UBASH3A: variants seen among roughly 807,000 people sequenced by gnomAD.
UBASH3A encodes the protein ubiquitin associated and SH3 domain containing A.
Under a neutral mutation model 73.5 loss-of-function variants are expected in UBASH3A, and 63 were observed. The ratio of observed to expected loss-of-function variants is 0.86; its 90% CI spans 0.70 to 1.06. UBASH3A has a LOEUF of 1.06. UBASH3A is among the 50% of genes least tolerant of loss of function. The pLI is 0.00. For missense variants in UBASH3A, 860 were observed against 859.0 expected (o/e 1.00, Z -0.02); for synonymous variants, 363 against 351.1 (o/e 1.03, Z -0.38).
intron 8 of UBASH3A, among the ~76,000 whole-genome samples, chr21:42,428,495 A>C (rs1355822658): frequency 6.6e-6 from 1 of 152,096 alleles, no homozygotes; most frequent in Non-Finnish European, 1.5e-5. Context: ...AAAGCTTTAA[A>C]TGTTTTTAAT....
At chr21:42,421,084 A>G (rs931292094) in intron 7 of UBASH3A, among the ~76,000 whole-genome samples, 2 of 152,244 alleles carry the variant, frequency 1.3e-5, no homozygotes, top group Non-Finnish European at 1.5e-5. Flanking sequence ...AAGCCATTGC[A>G]AAGTGTTAAG....
intron 11 of UBASH3A, among the ~76,000 whole-genome samples, chr21:42,441,468 G>T (rs1601603861): frequency 7.1e-6 from 1 of 140,528 alleles, no homozygotes; most frequent in Non-Finnish European, 1.6e-5. Context: ...GAGGACTCGG[G>T]GACCTGGTTG....
chr21:42,417,969 G>A (rs377236018), intron 6 of UBASH3A, among the ~76,000 whole-genome samples: 3 of 130,700 alleles, frequency 2.3e-5, no homozygotes, highest in East Asian at 2.3e-4. Context: ...TTCAACCTTC[G>A]CCTCCCAGGT....
intron 6 of UBASH3A, among the ~76,000 whole-genome samples, chr21:42,417,878 C>CTTTTT (rs796939696): frequency 3.0e-4 from 27 of 90,612 alleles, no homozygotes; most frequent in Non-Finnish European, 4.4e-4. Context: ...TTCTTTTTTT[C>CTTTTT]TTTTTTTTTT....
At chr21:42,446,289 AG>A (rs769920684) in intron 14 of UBASH3A, among the ~76,000 whole-genome samples, 12 of 152,212 alleles carry the variant, frequency 7.9e-5, no homozygotes, top group Admixed American at 3.3e-4. Context: ...GAAAATACAA[AG>A]GGGGGGCTCT....
intron 8 of UBASH3A, among the ~76,000 whole-genome samples, chr21:42,430,567 G>A (rs1477109184): frequency 1.3e-5 from 2 of 152,164 alleles, no homozygotes; most frequent in South Asian, 2.1e-4. Context: ...CTGCCCAGGG[G>A]TCCTCCCTAC....
chr21:42,404,461 T>C (rs1005528806), intron 1 of UBASH3A, among the ~76,000 whole-genome samples: 5 of 152,196 alleles, frequency 3.3e-5, no homozygotes, highest in African/African-American at 1.2e-4. Flanking sequence ...AGAATACCCC[T>C]GATATTCTTG....
intron 6 of UBASH3A, among the ~76,000 whole-genome samples, chr21:42,417,859 C>CTTTTTTTTTTCTTTTTTTCTTTT (rs2053246661): frequency 8.0e-6 from 1 of 125,642 alleles, no homozygotes; most frequent in African/African-American, 2.9e-5. Flanking sequence ...AAATGTATCT[C>CTTTTTTTTTTCTTTTTTTCTTTT]TTTTTTTTTT....
rs149430699 is a variant in UBASH3A at position 42,413,197 on chromosome 21, C to T, written c.528C>T (p.Phe176=). Residue 176 remains phenylalanine (F), a synonymous_variant, in exon 4 of 15, where the codon TTC becomes TTT. Coordinates refer to ENST00000319294, the MANE Select transcript of UBASH3A (RefSeq NM_018961.4). The surrounding 1 kb of genome is among the most constrained non-coding windows in gnomAD (Gnocchi z 4.5). ...ADVIREFAMT[F]ATEASLLAGT... ...TCATCCGGGAATTCGCCATGACCTT[C>T]GCCACGGAAGCATCTCTCTTAGCAG... The T allele has an allele frequency of 2.5e-5, 40 of 1,614,100 alleles. No individual in the cohort carries two copies. The African/African-American group carries it at 3.3e-4, about 13-fold the overall frequency.
intron 9 of UBASH3A, among the ~76,000 whole-genome samples, 160 bp from the exon 10 acceptor site, chr21:42,434,672 A>G (rs547740257): frequency 6.6e-6 from 1 of 152,348 alleles, no homozygotes; most frequent in African/African-American, 2.4e-5. Flanking sequence ...TTTCTTCTCA[A>G]ATTGAAGCCA....
intron 7 of UBASH3A, among the ~76,000 whole-genome samples, chr21:42,422,135 A>T (rs534054357): frequency 2.0e-5 from 3 of 152,332 alleles, no homozygotes; most frequent in Admixed American, 2.0e-4. Flanking sequence ...GATTCCAGCC[A>T]AAGCCCCACA....
At chr21:42,421,399 C>T (rs1241499635) in intron 7 of UBASH3A, among the ~76,000 whole-genome samples, 1 of 152,236 alleles carries the variant, frequency 6.6e-6, no homozygotes, top group Non-Finnish European at 1.5e-5. Flanking sequence ...CGTGGCCATC[C>T]CTCTGTCTCC....
Position 42,443,509 on chromosome 21 carries a change from A to G in UBASH3A, c.1738+91A>G. 3 of 1,126,476 alleles carry G rather than the reference A, an allele frequency of 2.7e-6. 1 individual carries two copies. The South Asian group carries it at 4.8e-5, about 18-fold the overall frequency. 69.8% of individuals were successfully genotyped at this position (1,126,476 alleles called of 1,614,324 possible). ...AATTGGCCAATTTTCTGAACCTATGAATGCCCCTACTTCTCCTGCCTGCCC... is the reference window on the plus strand; with the variant it reads ...AATTGGCCAATTTTCTGAACCTATGGATGCCCCTACTTCTCCTGCCTGCCC... On this transcript the variant is annotated intron_variant, in intron 13 of 14. Transcript: ENST00000319294.
intron 10 of UBASH3A, among the ~76,000 whole-genome samples, chr21:42,437,178 C>T (rs1332619726): frequency 6.6e-6 from 1 of 152,258 alleles, no homozygotes; most frequent in African/African-American, 2.4e-5. Flanking sequence ...ATCCTTCTCA[C>T]TTCACACTTC....
chr21:42,426,581 C>A (rs1264096487), intron 7 of UBASH3A, 116 bp from the exon 8 acceptor site: 161 of 1,245,992 alleles, frequency 1.3e-4, no homozygotes, highest in Non-Finnish European at 1.8e-4. Flanking sequence ...CTCATGGGAA[C>A]CTTTCTGCTG....
chr21:42,413,474 G>C lies in UBASH3A; in HGVS notation c.618G>C (p.Leu206=). The change falls in exon 5 of 15, where the codon CTG becomes CTC. Residue 206 remains leucine, a synonymous_variant. Transcript: ENST00000319294. This position sits in a 1 kb window ranked among gnomAD's most constrained non-coding sequence, Gnocchi z 4.5. ...QVPGHGPNLR[L]SNLTRASFVS... ...CTGGACATGGCCCTAACCTGAGGCT[G>C]AGCAATTTAACTAGAGCCTCCTTCG... is the stretch of plus-strand genomic sequence containing the variant. The C allele has an allele frequency of 6.2e-7, 1 of 1,614,188 alleles. No individual in the cohort carries two copies.
intron 3 of UBASH3A, 115 bp downstream of exon 3, chr21:42,409,723 A>G: frequency 1.1e-6 from 1 of 928,348 alleles, no homozygotes; most frequent in Non-Finnish European, 1.6e-6. Context: ...CCAGAACTGC[A>G]TCATTAGCTG....
At position 42,426,824 on chromosome 21, in the gene UBASH3A, A is replaced by G; in HGVS notation, c.1170+4A>G. ...TAGCAGCTTACAGGCCTTGCAGGTAATAGAACATTCCCTTTTTTCTTTTAA... is the reference window on the plus strand; with the variant it reads ...TAGCAGCTTACAGGCCTTGCAGGTAGTAGAACATTCCCTTTTTTCTTTTAA... On this transcript the variant is annotated splice_donor_region_variant and intron_variant, in intron 8 of 14. Coordinates refer to ENST00000319294, the MANE Select transcript of UBASH3A (RefSeq NM_018961.4). 6.2e-7 allele frequency: 1 copy of G among 1,612,914 alleles called. No individual in the cohort carries two copies. Among genetic ancestry groups the G allele is most frequent in the Non-Finnish European group, 8.5e-7 (1 of 1,179,540 alleles).
intron 2 of UBASH3A, among the ~76,000 whole-genome samples, chr21:42,407,338 C>T (rs2052997649): frequency 6.6e-6 from 1 of 152,154 alleles, no homozygotes; most frequent in Admixed American, 6.5e-5. Context: ...GTGCAGTGTT[C>T]CCAATGGGAT....
Sources: gnomAD v4.1 joint callset for allele counts (sites outside exome capture counted in the v4.1 genomes callset) on GRCh38, gnomAD v4.1.1 for gene constraint, Gnocchi (gnomAD v3.1) non-coding constraint, MANE v1.5 for transcripts, NCBI Gene and HGNC (gene_info 2026-07-23, HGNC 2026-07-21) for gene names.